PKNOX2: variants seen among roughly 807,000 people sequenced by gnomAD.
PKNOX2 encodes the protein homeobox protein PKNOX2.
PKNOX2 carries 14 observed loss-of-function variants against 53.1 expected under a neutral mutation model. The observed-to-expected ratio is 0.26, with a 90% confidence interval of 0.17 to 0.41. PKNOX2 has a LOEUF of 0.41. PKNOX2 is among the 10% of genes least tolerant of loss of function. The pLI is 1.00. For missense variants in PKNOX2, 496 were observed against 602.8 expected (o/e 0.82, Z 1.85); for synonymous variants, 257 against 242.8 (o/e 1.06, Z -0.54).
chr11:125,315,616 C>CT (rs1949132393), intron 2 of PKNOX2, among the ~76,000 whole-genome samples: 1 of 152,194 alleles, frequency 6.6e-6, no homozygotes, highest in South Asian at 2.1e-4. Flanking sequence ...GCTGGGAGGG[C>CT]TGAGTGCATG....
chr11:125,229,460 G>A (rs1201778625), intron 1 of PKNOX2, among the ~76,000 whole-genome samples: 1 of 152,244 alleles, frequency 6.6e-6, no homozygotes, highest in Non-Finnish European at 1.5e-5. Flanking sequence ...AATTTTGCAA[G>A]GTTTAGATGT....
intron 2 of PKNOX2, among the ~76,000 whole-genome samples, chr11:125,253,005 G>A (rs186216804): frequency 6.6e-6 from 1 of 152,172 alleles, no homozygotes; most frequent in South Asian, 2.1e-4. Context: ...AGGGTCAAAG[G>A]CTACCTCTTC....
Position 125,431,470 on chromosome 11 carries a change from G to GGCCCCCCCCCC in PKNOX2, c.*78_*79insGCCCCCCCCCC. On this transcript the variant is annotated 3_prime_UTR_variant, in exon 13 of 13. Coordinates refer to ENST00000298282, the MANE Select transcript of PKNOX2 (RefSeq NM_001382323.2). ...AGGCCTTCAGGGTGGGGGGGAAGGG[G>GGCCCCCCCCCC]ACATGGGCAGGAAGCACCGAGGGAG... 1 of 282,772 alleles carries GGCCCCCCCCCC rather than the reference G, an allele frequency of 3.5e-6. No homozygotes were observed. The allele number at this position is 282,772 out of a possible 1,614,324, so 17.5% of individuals were successfully genotyped here.
In PKNOX2 at chr11:125,345,085, C is replaced by T. The variant is rs369506888; in HGVS notation, c.-22-6199C>T. Among the ~76,000 whole-genome samples, 31 of 152,306 alleles carry T rather than the reference C, an allele frequency of 2.0e-4. No homozygotes were observed. The East Asian group carries it at 5.8e-3, about 28-fold the overall frequency. On this transcript the variant is annotated intron_variant, in intron 3 of 12. Coordinates refer to ENST00000298282, the MANE Select transcript of PKNOX2 (RefSeq NM_001382323.2). Reference sequence around the variant, plus strand: ...AAAGACAGGCAGAGAGCAGCACCCACTCAGCCCCACATTCCTGCTGCCTGA... The same window carrying T: ...AAAGACAGGCAGAGAGCAGCACCCATTCAGCCCCACATTCCTGCTGCCTGA...
intron 10 of PKNOX2, among the ~76,000 whole-genome samples, chr11:125,418,726 T>C (rs1269060707): frequency 6.6e-6 from 1 of 152,072 alleles, no homozygotes. Flanking sequence ...TCTGTGTCTA[T>C]GGGTTCTGAA....
intron 10 of PKNOX2, among the ~76,000 whole-genome samples, chr11:125,424,353 T>C (rs1956307139): frequency 1.3e-5 from 2 of 152,194 alleles, no homozygotes; most frequent in Non-Finnish European, 1.5e-5. Context: ...TAAAAGACTT[T>C]TTTTTTCTTC....
chr11:125,167,341 C>T (rs1163201697), intron 1 of PKNOX2, among the ~76,000 whole-genome samples: 1 of 152,176 alleles, frequency 6.6e-6, no homozygotes, highest in Non-Finnish European at 1.5e-5. Context: ...GCACGACCCA[C>T]GACCCACGAG....
At chr11:125,239,812 A>G (rs1213598802) in intron 2 of PKNOX2, 1 of 152,270 alleles carries the variant, frequency 6.6e-6, no homozygotes, top group Non-Finnish European at 1.5e-5. Context: ...CCAGGTTCTC[A>G]TGGCCTCCAT....
At chr11:125,417,100 C>A in intron 10 of PKNOX2, among the ~76,000 whole-genome samples, 1 of 152,078 alleles carries the variant, frequency 6.6e-6, no homozygotes, top group East Asian at 1.9e-4. Context: ...CTGCTGGAAG[C>A]AATCATTCCA....
chr11:125,319,987 G>A (rs1949427830), intron 2 of PKNOX2, among the ~76,000 whole-genome samples: 1 of 152,202 alleles, frequency 6.6e-6, no homozygotes, highest in Non-Finnish European at 1.5e-5. Context: ...AAGCCATATT[G>A]TGCTTGAAAC....
chr11:125,424,858 A>G (rs1565523432), intron 10 of PKNOX2, among the ~76,000 whole-genome samples: 1 of 151,998 alleles, frequency 6.6e-6, no homozygotes, highest in East Asian at 1.9e-4. Flanking sequence ...GGCAGAACTC[A>G]CTCTTTCAAT....
At chr11:125,232,689 A>G (rs1942314115) in intron 1 of PKNOX2, among the ~76,000 whole-genome samples, 1 of 152,246 alleles carries the variant, frequency 6.6e-6, no homozygotes, top group African/African-American at 2.4e-5. Flanking sequence ...TGGTAAGTTC[A>G]GAATGGAGGA....
intron 3 of PKNOX2, among the ~76,000 whole-genome samples, chr11:125,346,686 T>C (rs1188634888): frequency 6.6e-6 from 1 of 151,958 alleles, no homozygotes; most frequent in Non-Finnish European, 1.5e-5. Flanking sequence ...CTTGTATGTG[T>C]CGGAGGACAG....
chr11:125,233,249 C>T (rs1387682396), intron 1 of PKNOX2, among the ~76,000 whole-genome samples: 1 of 152,172 alleles, frequency 6.6e-6, no homozygotes, highest in African/African-American at 2.4e-5. Context: ...GAAAAGTTGG[C>T]CATATCTTCT....
Position 125,165,418 on chromosome 11 carries a change from C to T in PKNOX2, c.-201+642C>T, listed in dbSNP as rs1954790925. Among the ~76,000 whole-genome samples the T allele has an allele frequency of 6.6e-6, 1 of 152,168 alleles. No homozygotes were observed. The highest frequency in any genetic ancestry group is 6.5e-5 in the Admixed American group (1 of 15,284). Reference sequence around the variant, plus strand: ...AGGCTCCAGGTTCTCTTTCTCCCGGCTTCGGGCGTCCTTGGGGCCGGCGCT... The same window carrying T: ...AGGCTCCAGGTTCTCTTTCTCCCGGTTTCGGGCGTCCTTGGGGCCGGCGCT... On this transcript the variant is annotated intron_variant, in intron 1 of 12. Transcript: ENST00000298282. The surrounding 1 kb of genome is among the most constrained non-coding windows in gnomAD (Gnocchi z 4.5).
intron 2 of PKNOX2, among the ~76,000 whole-genome samples, chr11:125,315,320 A>AC (rs1230840440): frequency 6.6e-6 from 1 of 150,488 alleles, no homozygotes; most frequent in African/African-American, 2.5e-5. Flanking sequence ...AAAAAAAAAA[A>AC]AAAAAAAACA....
chr11:125,169,357 C>T (rs1955117415), intron 1 of PKNOX2, among the ~76,000 whole-genome samples: 1 of 152,196 alleles, frequency 6.6e-6, no homozygotes, highest in African/African-American at 2.4e-5. Flanking sequence ...GAGGGAGGAG[C>T]TCCACGGGCT....
chr11:125,243,611 AC>A (rs1040666521), intron 2 of PKNOX2, among the ~76,000 whole-genome samples: 2 of 147,592 alleles, frequency 1.4e-5, no homozygotes, highest in African/African-American at 5.0e-5. Flanking sequence ...ATCACAGTAT[AC>A]CTGGGACTTT....
At chr11:125,396,997 A>G (rs718520) in intron 6 of PKNOX2, among the ~76,000 whole-genome samples, 64,539 of 152,146 alleles carry the variant, frequency 0.42, 16,427 homozygotes, top group African/African-American at 0.72. Flanking sequence ...TCATTCTTTA[A>G]GGCGATTGGA....
Sources: gnomAD v4.1 joint callset for allele counts (sites outside exome capture counted in the v4.1 genomes callset) on GRCh38, gnomAD v4.1.1 for gene constraint, Gnocchi (gnomAD v3.1) non-coding constraint, MANE v1.5 for transcripts, NCBI Gene and HGNC (gene_info 2026-07-23, HGNC 2026-07-21) for gene names.